The following ZDHHC23 variants were observed in gnomAD, a reference collection of about 807,000 sequenced individuals.
ZDHHC23 encodes the protein palmitoyltransferase ZDHHC23.
A neutral mutation model predicts 40.2 loss-of-function variants in ZDHHC23; 41 were observed. That is an observed-to-expected ratio of 1.02 (90% CI 0.79 to 1.32). ZDHHC23 has a LOEUF of 1.32. ZDHHC23 is among the 40% of genes most tolerant of loss of function. The pLI is 0.00. For synonymous variants in ZDHHC23, 204 were observed against 210.2 expected, an observed-to-expected ratio of 0.97 and a Z score of 0.26; for missense variants, 471 against 541.5, an observed-to-expected ratio of 0.87 and a Z score of 1.29.
At chr3:113,965,036 T>TC (rs1342547487), downstream of ZDHHC23, 2 of 531,740 alleles carry the variant, frequency 3.8e-6, no homozygotes, top group Non-Finnish European at 6.4e-6. Context: ...ATTCCTTTGA[T>TC]CTAAGAAGTA....
rs1577275821 is a variant in ZDHHC23 at position 113,960,089 on chromosome 3, T to C, written c.*1459T>C. On this transcript the variant is annotated 3_prime_UTR_variant, in exon 5 of 5. Transcript: ENST00000638807. ...ATTTGCCTTGGCTTATAGCTTAATA[T>C]AGGGAAAATATTGCCAGCGTTTTCA... is the stretch of plus-strand genomic sequence containing the variant. 1 of 989,452 alleles carries C rather than the reference T, an allele frequency of 1.0e-6. No homozygotes were observed. The highest frequency in any genetic ancestry group is 1.1e-4 in the East Asian group (1 of 8,886). 61.3% of individuals were successfully genotyped at this position (989,452 alleles called of 1,614,324 possible). A position where few individuals can be genotyped will look rare whatever the true frequency, so the allele number is the denominator to read the frequency against.
intron 3 of ZDHHC23, among the ~76,000 whole-genome samples, chr3:113,954,784 CA>C (rs1939013399): frequency 6.6e-6 from 1 of 152,140 alleles, no homozygotes; most frequent in African/African-American, 2.4e-5. Context: ...CCTTTTTAAA[CA>C]TAAAGCTCAA....
At chr3:113,950,104 C>T (rs986549744) in intron 2 of ZDHHC23, among the ~76,000 whole-genome samples, 1 of 152,202 alleles carries the variant, frequency 6.6e-6, no homozygotes. Context: ...TGAGGCATCT[C>T]CTCTGCTCTC....
chr3:113,952,288 A>C (rs1938750007), intron 2 of ZDHHC23, among the ~76,000 whole-genome samples: 1 of 152,208 alleles, frequency 6.6e-6, no homozygotes, highest in Non-Finnish European at 1.5e-5. Flanking sequence ...TAGGACACAA[A>C]CACAATTCCA....
chr3:113,948,669 C>A lies in ZDHHC23; in HGVS notation c.-117-17C>A, dbSNP rs1938362527. On this transcript the variant is annotated splice_polypyrimidine_tract_variant and intron_variant, in intron 1 of 4. Transcript: ENST00000638807. ...GGGACCCCCTCCCCCTCTCTCTTCT[C>A]ATTTTTGATTGCTCAGGCGTTGGAG... The A allele has an allele frequency of 1.9e-6, 2 of 1,069,432 alleles. No individual in the cohort carries two copies. Among genetic ancestry groups the A allele is most frequent in the East Asian group, 5.0e-5 (2 of 40,208 alleles). The allele number at this position is 1,069,432 out of a possible 1,614,324, so 66.2% of individuals were successfully genotyped here.
chr3:113,956,221 TGA>T, intron 3 of ZDHHC23, 116 bp from the exon 4 acceptor site: 1 of 1,162,770 alleles, frequency 8.6e-7, no homozygotes, highest in Non-Finnish European at 1.2e-6. Context: ...CACTTTAGCC[TGA>T]ACTACAGAGC....
intron 2 of ZDHHC23, among the ~76,000 whole-genome samples, chr3:113,949,484 C>G (rs1321630022): frequency 6.6e-6 from 1 of 152,198 alleles, no homozygotes; most frequent in African/African-American, 2.4e-5. Flanking sequence ...CCTGGATTCA[C>G]AGTTTTCAGT....
At chr3:113,967,808 A>G (rs1206863475), downstream of ZDHHC23, among the ~76,000 whole-genome samples, 3 of 152,118 alleles carry the variant, frequency 2.0e-5, no homozygotes, top group Admixed American at 6.5e-5. Flanking sequence ...TACCCTTTCC[A>G]GCCTCTGGTA....
At chr3:113,976,275 C>A in the ZDHHC23 span, among the ~76,000 whole-genome samples, 6 of 149,706 alleles carry the variant, frequency 4.0e-5, no homozygotes, top group South Asian at 2.1e-4. Context: ...AAAAAAAAAA[C>A]AAAACAAAAC....
downstream of ZDHHC23, among the ~76,000 whole-genome samples, chr3:113,970,272 A>C (rs1267676104): frequency 2.0e-5 from 3 of 152,066 alleles, no homozygotes; most frequent in African/African-American, 7.2e-5. Context: ...AGGTTTTTCT[A>C]AGTATAAGAG....
At chr3:113,968,766 T>G (rs1444610463), downstream of ZDHHC23, among the ~76,000 whole-genome samples, 1 of 152,066 alleles carries the variant, frequency 6.6e-6, no homozygotes, top group African/African-American at 2.4e-5. Flanking sequence ...GACTTGCCCA[T>G]TTTTAAATTG....
chr3:113,954,180 C>T lies in ZDHHC23; in HGVS notation c.642C>T (p.Ser214=), dbSNP rs770130450. 5.0e-6 allele frequency: 8 copies of T among 1,614,082 alleles called. No homozygotes were observed. The highest frequency in any genetic ancestry group is 1.1e-5 in the South Asian group (1 of 91,080). The part of the protein sequence containing the change: ...SLSSSQLECL[S]RKGQEKTKGF... ...GCAGCAGCCAGCTGGAGTGCCTGAGCAGAAAAGGGCAGGAGAAGACCAAAG... is the reference window on the plus strand; with the variant it reads ...GCAGCAGCCAGCTGGAGTGCCTGAGTAGAAAAGGGCAGGAGAAGACCAAAG... The change falls in exon 3 of 5, where the codon AGC becomes AGT. Residue 214 remains serine (S), a synonymous_variant. Transcript: ENST00000638807.
At chr3:113,966,751 C>T (rs1940213863), downstream of ZDHHC23, among the ~76,000 whole-genome samples, 1 of 151,924 alleles carries the variant, frequency 6.6e-6, no homozygotes. Context: ...AATTTTATGG[C>T]TGTTGGTTAA....
the ZDHHC23 span, among the ~76,000 whole-genome samples, chr3:113,975,552 A>G: frequency 6.6e-6 from 1 of 152,244 alleles, no homozygotes. Context: ...CTGAGAACAC[A>G]GTAATGAGCA....
chr3:113,957,172 C>A (rs145214404), intron 4 of ZDHHC23, among the ~76,000 whole-genome samples: 11 of 152,304 alleles, frequency 7.2e-5, no homozygotes, highest in Non-Finnish European at 1.3e-4. Context: ...ATGCTGGGGC[C>A]CCCCTCTGCC....
chr3:113,958,622 A>G lies in ZDHHC23; in HGVS notation c.1300A>G (p.Ile434Val). 2 of 1,598,140 alleles carry G rather than the reference A, an allele frequency of 1.3e-6. No homozygotes were observed. The highest frequency in any genetic ancestry group is 1.7e-6 in the Non-Finnish European group (2 of 1,178,424). ...TRAFHHPAEDIV is the reference protein window; with the variant it reads ...TRAFHHPAEDVV The stretch of plus-strand genomic sequence containing the variant: ...TGCATTCCACCACCCTGCCGAGGAC[A>G]TTGTCTGAAGTGCCTTCTATGTGGC... Residue 434 changes from isoleucine (I) to valine (V), a missense_variant, in exon 5 of 5, where the codon ATT becomes GTT. Physicochemically the swap from Ile to Val is conservative, Grantham distance 29. Transcript: ENST00000638807.
Position 113,959,451 on chromosome 3 carries a change from T to G in ZDHHC23, c.*821T>G, listed in dbSNP as rs1939527037. ...GTTCTTCTATTTATATTTTATAAAT[T>G]CTGCTTGGGTTTCTTATAAATAACT... On this transcript the variant is annotated 3_prime_UTR_variant, in exon 5 of 5. Transcript: ENST00000638807. The G allele has an allele frequency of 8.0e-7, 1 of 1,253,818 alleles. No homozygotes were observed. The highest frequency in any genetic ancestry group is 1.0e-6 in the Non-Finnish European group (1 of 961,312). 77.7% of individuals were successfully genotyped at this position (1,253,818 alleles called of 1,614,324 possible).
At chr3:113,953,025 A>G (rs1331934500) in intron 2 of ZDHHC23, among the ~76,000 whole-genome samples, 2 of 152,224 alleles carry the variant, frequency 1.3e-5, no homozygotes, top group Admixed American at 6.5e-5. Context: ...CAGTCAACCA[A>G]TATCATTCCA....
Position 113,960,753 on chromosome 3 carries a change from C to T in ZDHHC23, c.*2123C>T, listed in dbSNP as rs769642529. The T allele has an allele frequency of 1.3e-6, 2 of 1,561,764 alleles. No homozygotes were observed. The highest frequency in any genetic ancestry group is 2.3e-5 in the East Asian group (1 of 43,004). Reference sequence around the variant, plus strand: ...GGATGAGCCAACTCCGCTTCCTTCCCATGGATAGGAAGGGACTCTGTGTAT... The same window carrying T: ...GGATGAGCCAACTCCGCTTCCTTCCTATGGATAGGAAGGGACTCTGTGTAT... On this transcript the variant is annotated 3_prime_UTR_variant, in exon 5 of 5. Coordinates refer to ENST00000638807, the MANE Select transcript of ZDHHC23 (RefSeq NM_001320466.2).
Sources: gnomAD v4.1 joint callset for allele counts (sites outside exome capture counted in the v4.1 genomes callset) on GRCh38, gnomAD v4.1.1 for gene constraint, MANE v1.5 for transcripts, NCBI Gene and HGNC (gene_info 2026-07-23, HGNC 2026-07-21) for gene names.